ASB3: variants seen among roughly 807,000 people sequenced by gnomAD.
The protein encoded by ASB3 is ankyrin repeat and SOCS box protein 3.
In ASB3, 41 loss-of-function variants were observed where a neutral mutation model predicts 54.5. The observed-to-expected ratio is 0.75, with a 90% CI of 0.59 to 0.98. The LOEUF (loss-of-function observed/expected upper bound fraction) is 0.98, where lower values mean the gene tolerates loss of function less well. Ranked by LOEUF, ASB3 falls within the 50% of genes least tolerant of loss-of-function variation. The pLI, the probability that ASB3 is intolerant of heterozygous loss-of-function variation, is 0.00. For missense variants in ASB3, 733 were observed against 620.0 expected (o/e 1.18, Z -1.94); for synonymous variants, 266 against 221.2 (o/e 1.20, Z -1.80).
chr2:53,771,928 G>A (rs1338193681), intron 1 of ASB3: 1 of 1,564,728 alleles, frequency 6.4e-7, no homozygotes, highest in Non-Finnish European at 8.7e-7. Flanking sequence ...TGTGACTCTT[G>A]TTGAAGATCC....
At chr2:53,676,930 G>A (rs906822790) in intron 9 of ASB3, among the ~76,000 whole-genome samples, 11 of 152,068 alleles carry the variant, frequency 7.2e-5, no homozygotes, top group African/African-American at 2.2e-4. Context: ...CACCATGCCC[G>A]ATTAATTTTT....
chr2:53,741,790 T>C (rs1228922811), intron 3 of ASB3, among the ~76,000 whole-genome samples: 1 of 152,164 alleles, frequency 6.6e-6, no homozygotes, highest in East Asian at 1.9e-4. Flanking sequence ...CCAAAAGCAA[T>C]TAATCCAACA....
chr2:53,697,076 A>G (rs941622530), intron 8 of ASB3, among the ~76,000 whole-genome samples: 5 of 152,212 alleles, frequency 3.3e-5, no homozygotes, highest in African/African-American at 4.8e-5. Context: ...TTGGTAAAGA[A>G]GCTGGCCAAA....
At chr2:53,740,879 T>C (rs1253115615) in intron 3 of ASB3, among the ~76,000 whole-genome samples, 1 of 152,194 alleles carries the variant, frequency 6.6e-6, no homozygotes, top group Non-Finnish European at 1.5e-5. Context: ...CACTATCCTA[T>C]TATATATTGT....
At chr2:53,681,518 TTTTA>T (rs1334196605) in intron 9 of ASB3, among the ~76,000 whole-genome samples, 12 of 152,202 alleles carry the variant, frequency 7.9e-5, no homozygotes, top group African/African-American at 2.9e-4. Context: ...TTTAATGCAT[TTTTA>T]TTTGATTTTT....
At chr2:53,750,429 A>G (rs1672452756) in intron 3 of ASB3, among the ~76,000 whole-genome samples, 1 of 152,126 alleles carries the variant, frequency 6.6e-6, no homozygotes, top group South Asian at 2.1e-4. Context: ...TTTAATGTTA[A>G]GAAAAGGCAA....
At chr2:53,715,494 C>T (rs1670337263) in intron 6 of ASB3, among the ~76,000 whole-genome samples, 1 of 152,070 alleles carries the variant, frequency 6.6e-6, no homozygotes, top group Non-Finnish European at 1.5e-5. Context: ...TCATCAGTGA[C>T]AATGAGAATT....
chr2:53,704,726 A>G (rs1669676617), intron 7 of ASB3, among the ~76,000 whole-genome samples: 1 of 152,192 alleles, frequency 6.6e-6, no homozygotes, highest in Middle Eastern at 3.2e-3. Flanking sequence ...CAGACATTAG[A>G]TAATAAAAAT....
chr2:53,743,998 G>A (rs1293858499), intron 3 of ASB3, among the ~76,000 whole-genome samples: 2 of 149,744 alleles, frequency 1.3e-5, no homozygotes, highest in Non-Finnish European at 3.0e-5. Flanking sequence ...GGCAGAGATC[G>A]CACCACTGCA....
At chr2:53,732,677 TCTG>T (rs1671386754) in intron 3 of ASB3, among the ~76,000 whole-genome samples, 1 of 152,200 alleles carries the variant, frequency 6.6e-6, no homozygotes, top group Non-Finnish European at 1.5e-5. Context: ...TATTAAGAAA[TCTG>T]CTATCTGCAA....
chr2:53,690,876 C>A (rs1035319940), intron 9 of ASB3, among the ~76,000 whole-genome samples: 7 of 152,086 alleles, frequency 4.6e-5, no homozygotes, highest in African/African-American at 1.7e-4. Context: ...CTTCTAGGAT[C>A]CAGATCCATT....
At chr2:53,777,970 A>C (rs1056241869) in intron 1 of ASB3, among the ~76,000 whole-genome samples, 1 of 151,966 alleles carries the variant, frequency 6.6e-6, no homozygotes, top group Non-Finnish European at 1.5e-5. Flanking sequence ...AATATGGTGA[A>C]ACCCCGTCTC....
chr2:53,747,641 T>A (rs1572959763), intron 3 of ASB3, among the ~76,000 whole-genome samples: 1 of 152,364 alleles, frequency 6.6e-6, no homozygotes, highest in South Asian at 2.1e-4. Context: ...AATAATTTAC[T>A]GAATACCTAC....
intron 3 of ASB3, among the ~76,000 whole-genome samples, chr2:53,735,104 G>T (rs1671547752): frequency 6.6e-6 from 1 of 151,922 alleles, no homozygotes; most frequent in Non-Finnish European, 1.5e-5. Flanking sequence ...ACTTTTAGTA[G>T]AGATGGTGTT....
chr2:53,684,410 T>A (rs1192489854), intron 9 of ASB3, among the ~76,000 whole-genome samples: 1 of 152,210 alleles, frequency 6.6e-6, no homozygotes, highest in Non-Finnish European at 1.5e-5. Flanking sequence ...TTCCTGATAG[T>A]AAATAATTCC....
At chr2:53,716,122 G>C (rs937270021) in intron 6 of ASB3, among the ~76,000 whole-genome samples, 2 of 152,138 alleles carry the variant, frequency 1.3e-5, no homozygotes, top group Non-Finnish European at 2.9e-5. Flanking sequence ...ATCAAGAAAA[G>C]TTCAGTCAAA....
At chr2:53,756,204 G>GT (rs1672816150) in intron 2 of ASB3, among the ~76,000 whole-genome samples, 1 of 151,908 alleles carries the variant, frequency 6.6e-6, no homozygotes, top group South Asian at 2.1e-4. Context: ...TAAAAATAAG[G>GT]TAAGTCTAGA....
chr2:53,755,112 T>A (rs1672741640), intron 2 of ASB3, among the ~76,000 whole-genome samples: 1 of 152,236 alleles, frequency 6.6e-6, no homozygotes, highest in African/African-American at 2.4e-5. Context: ...AAACTTTAAA[T>A]GGTGTGGGTA....
At chr2:53,746,632 C>A (rs973353513) in intron 3 of ASB3, among the ~76,000 whole-genome samples, 4 of 152,036 alleles carry the variant, frequency 2.6e-5, no homozygotes, top group Middle Eastern at 3.2e-3. Context: ...GCATGTGCCA[C>A]CACACCCAGC....
Sources: gnomAD v4.1 joint callset for allele counts (sites outside exome capture counted in the v4.1 genomes callset) on GRCh38, gnomAD v4.1.1 for gene constraint, MANE v1.5 for transcripts, NCBI Gene and HGNC (gene_info 2026-07-23, HGNC 2026-07-21) for gene names.